The following ANKRD13C variants were observed in gnomAD, a reference collection of about 807,000 sequenced individuals.
ANKRD13C encodes ankyrin repeat domain-containing protein 13C.
ANKRD13C carries 16 observed loss-of-function variants against 65.5 expected under a neutral mutation model. That is an observed-to-expected ratio of 0.24 (90% confidence interval 0.17 to 0.37). The LOEUF is 0.37. Among genes scored for constraint, ANKRD13C ranks in the 10% least tolerant of loss-of-function variants. ANKRD13C has a pLI of 1.00. For missense variants in ANKRD13C, 503 were observed against 655.9 expected, an observed-to-expected ratio of 0.77 and a Z score of 2.55; for synonymous variants, 235 against 238.7, an observed-to-expected ratio of 0.98 and a Z score of 0.14.
intron 2 of ANKRD13C, among the ~76,000 whole-genome samples, chr1:70,330,498 C>A (rs1236131276): frequency 7.1e-6 from 1 of 141,698 alleles, no homozygotes; most frequent in African/African-American, 2.7e-5. Context: ...GTGGAGGTTG[C>A]AGTGAGCAGA....
At position 70,281,350 on chromosome 1, in the gene ANKRD13C, C is replaced by T. The variant is rs547001739; in HGVS notation, c.1216-4506G>A. ...GCACATGACTTCCTAGAATAGACTC[C>T]TTTTCTAGAAATCCTTGCAGCTAGG... On this transcript the variant is annotated intron_variant, in intron 9 of 12. Coordinates refer to ENST00000370944, the MANE Select transcript of ANKRD13C (RefSeq NM_030816.5). Among the ~76,000 whole-genome samples, 308 of 150,384 alleles carry T rather than the reference C, an allele frequency of 2.0e-3. 1 individual carries two copies. Among genetic ancestry groups the T allele is most frequent in the African/African-American group, 7.3e-3 (298 of 40,868 alleles).
intron 3 of ANKRD13C, among the ~76,000 whole-genome samples, chr1:70,323,260 C>T (rs1039455961): frequency 6.6e-6 from 1 of 151,246 alleles, no homozygotes; most frequent in Non-Finnish European, 1.5e-5. Context: ...CAGTGTATAA[C>T]AAATAAAAAA....
At chr1:70,295,974 C>A (rs1163155483) in intron 8 of ANKRD13C, among the ~76,000 whole-genome samples, 156 bp downstream of exon 8, 2 of 152,134 alleles carry the variant, frequency 1.3e-5, no homozygotes, top group Non-Finnish European at 2.9e-5. Context: ...CTGACTCTAA[C>A]CATCCATTAT....
At position 70,319,162 on chromosome 1, in the gene ANKRD13C, G is replaced by A. The variant is rs1183114135; in HGVS notation, c.578-3596C>T. ...ATCTAATAATAACAAGCCCTGCTTT[G>A]AAGTCTTCTGGGGTTTTGCAGAGAC... On this transcript the variant is annotated intron_variant, in intron 3 of 12. Transcript: ENST00000370944. Among the ~76,000 whole-genome samples, 9 of 152,224 alleles carry A rather than the reference G, an allele frequency of 5.9e-5. No individual in the cohort carries two copies. The South Asian group carries it at 1.2e-3, about 21-fold the overall frequency.
At chr1:70,310,380 G>T (rs1680799565) in intron 5 of ANKRD13C, among the ~76,000 whole-genome samples, 1 of 152,086 alleles carries the variant, frequency 6.6e-6, no homozygotes, top group African/African-American at 2.4e-5. Flanking sequence ...TAAGCCAATG[G>T]GTTTCGTTTT....
chr1:70,309,729 A>ATAAT (rs575249446), intron 5 of ANKRD13C, among the ~76,000 whole-genome samples: 22 of 123,446 alleles, frequency 1.8e-4, no homozygotes, highest in East Asian at 5.3e-4. Flanking sequence ...AAAAAAAAAA[A>ATAAT]AAAAATAATA....
intron 12 of ANKRD13C, among the ~76,000 whole-genome samples, chr1:70,263,618 T>A (rs1297689089): frequency 6.6e-6 from 1 of 152,174 alleles, no homozygotes; most frequent in Non-Finnish European, 1.5e-5. Context: ...CCTCAGGGAT[T>A]TCATATGTAA....
At chr1:70,295,651 AGATTT>A (rs1172127416) in intron 8 of ANKRD13C, among the ~76,000 whole-genome samples, 1 of 152,192 alleles carries the variant, frequency 6.6e-6, no homozygotes, top group Non-Finnish European at 1.5e-5. Flanking sequence ...ACTTCCCCCG[AGATTT>A]GATTTAACAA....
intron 8 of ANKRD13C, 130 bp from the exon 9 acceptor site, chr1:70,292,679 C>T: frequency 1.5e-6 from 1 of 675,250 alleles, no homozygotes; most frequent in East Asian, 2.9e-5. Context: ...AATTATCAAA[C>T]TATCTTACAT....
rs374418773 is a variant in ANKRD13C at position 70,276,826 on chromosome 1, G to C, written c.1234C>G (p.Leu412Val). Residue 412 changes from leucine (L) to valine (V), a missense_variant, in exon 10 of 13, where the codon CTT becomes GTT. Physicochemically the swap from Leu to Val is conservative, Grantham distance 32. Coordinates refer to ENST00000370944, the MANE Select transcript of ANKRD13C (RefSeq NM_030816.5). ...QNFEPIRRQS[L>V]TPPPQNTITW... ...ATAGTGTTCTGAGGAGGAGGTGTAA[G>C]AGACTGTCTTCGAATCGGCTGCCAA... 1.9e-5 allele frequency: 30 copies of C among 1,599,544 alleles called. No homozygotes were observed. The African/African-American group carries it at 3.4e-4, about 18-fold the overall frequency.
chr1:70,308,281 C>T (rs1009398266), intron 5 of ANKRD13C, among the ~76,000 whole-genome samples: 3 of 152,014 alleles, frequency 2.0e-5, no homozygotes, highest in African/African-American at 7.2e-5. Flanking sequence ...CAGGCACAAG[C>T]CACCATACCC....
chr1:70,348,848 C>T (rs915278962), intron 1 of ANKRD13C, among the ~76,000 whole-genome samples: 2 of 152,122 alleles, frequency 1.3e-5, no homozygotes, highest in African/African-American at 4.8e-5. Context: ...GAGAAGATGG[C>T]TTGTCACCTG....
intron 9 of ANKRD13C, among the ~76,000 whole-genome samples, chr1:70,287,585 G>A (rs1345327831): frequency 1.3e-5 from 2 of 152,084 alleles, no homozygotes; most frequent in Non-Finnish European, 2.9e-5. Flanking sequence ...TGATAAATTC[G>A]ATGTCATCAA....
chr1:70,274,907 A>G (rs1044334034), intron 10 of ANKRD13C, 89 bp from the exon 11 acceptor site: 6 of 799,482 alleles, frequency 7.5e-6, no homozygotes, highest in African/African-American at 3.4e-5. Context: ...AATGACATTC[A>G]TTAATATTTC....
At chr1:70,273,140 A>G (rs2101127966) in intron 11 of ANKRD13C, among the ~76,000 whole-genome samples, 1 of 152,266 alleles carries the variant, frequency 6.6e-6, no homozygotes, top group East Asian at 1.9e-4. Context: ...TCTCTCTGAC[A>G]TAACTTGAGG....
chr1:70,287,395 AAAT>A (rs1249463422), intron 9 of ANKRD13C, among the ~76,000 whole-genome samples: 1 of 151,324 alleles, frequency 6.6e-6, no homozygotes, highest in African/African-American at 2.4e-5. Flanking sequence ...GGCAAAAAAA[AAAT>A]AAATAAACCT....
At chr1:70,314,024 A>T (rs1431705933) in intron 4 of ANKRD13C, among the ~76,000 whole-genome samples, 1 of 151,800 alleles carries the variant, frequency 6.6e-6, no homozygotes, top group East Asian at 1.9e-4. Context: ...TAAACAAAAT[A>T]ACAATAATAA....
chr1:70,265,001 G>A (rs539469607), intron 12 of ANKRD13C, among the ~76,000 whole-genome samples: 1 of 152,092 alleles, frequency 6.6e-6, no homozygotes, highest in African/African-American at 2.4e-5. Flanking sequence ...GTTTAATCTC[G>A]GAACAGCCAG....
chr1:70,319,372 G>A (rs1343750753), intron 3 of ANKRD13C, among the ~76,000 whole-genome samples: 1 of 152,068 alleles, frequency 6.6e-6, no homozygotes, highest in African/African-American at 2.4e-5. Context: ...TTGGGAGGCC[G>A]AGCCGGGTGG....
Sources: allele counts gnomAD v4.1 joint callset (sites outside exome capture counted in the v4.1 genomes callset), GRCh38; gene constraint gnomAD v4.1.1; transcripts MANE v1.5; gene names NCBI Gene and HGNC (gene_info 2026-07-23, HGNC 2026-07-21).